Variants in PRLR observed in about 807,000 individuals in gnomAD.
The protein encoded by PRLR is prolactin receptor.
A neutral mutation model predicts 40.2 loss-of-function variants in PRLR; 13 were observed. The ratio of observed to expected loss-of-function variants is 0.32; its 90% CI spans 0.21 to 0.51. The LOEUF (loss-of-function observed/expected upper bound fraction) is 0.51, where lower values mean the gene tolerates loss of function less well. Ranked by LOEUF, PRLR falls within the 20% of genes least tolerant of loss-of-function variation. PRLR has a pLI of 0.97. For missense variants in PRLR, 656 were observed against 747.3 expected (o/e 0.88, Z 1.42); for synonymous variants, 269 against 278.7 (o/e 0.97, Z 0.35).
At chr5:35,048,840 C>A in exon 9 of PRLR, 1 of 265,812 alleles carries the variant, frequency 3.8e-6, no homozygotes, top group Non-Finnish European at 7.6e-6. Flanking sequence ...TGGGGGACCA[C>A]GTGCTTTACA....
At chr5:35,066,242 T>A in intron 9 of PRLR, 140 bp from the exon 10 acceptor site, 1 of 833,538 alleles carries the variant, frequency 1.2e-6, no homozygotes, top group Non-Finnish European at 1.8e-6. Flanking sequence ...CCAGGCCATC[T>A]AGAATCACCT....
chr5:35,068,535 T>G (rs544255560), intron 8 of PRLR, among the ~76,000 whole-genome samples: 6 of 152,326 alleles, frequency 3.9e-5, no homozygotes, highest in African/African-American at 1.4e-4. Context: ...TTAGCTACTC[T>G]TGCCAGATTT....
rs1023326809 is a variant in PRLR, at chr5:35,057,377, A to T, written c.*7712T>A. ...TGAATGTGTTATTTTGCTCATCTCC[A>T]TTTCAAATAAAAAAATAGAGCAAGA... On this transcript the variant is annotated 3_prime_UTR_variant, in exon 10 of 10. Coordinates refer to ENST00000618457, the MANE Select transcript of PRLR (RefSeq NM_000949.7). The T allele has an allele frequency of 6.6e-6, 1 of 152,166 alleles. No individual in the cohort carries two copies. The highest frequency in any genetic ancestry group is 1.9e-4 in the East Asian group (1 of 5,198). The allele number at this position is 152,166 out of a possible 1,614,324, so 9.4% of individuals were successfully genotyped here. A position where few individuals can be genotyped will look rare whatever the true frequency, so the allele number is the denominator to read the frequency against.
At chr5:35,131,912 A>T (rs1773695760) in intron 1 of PRLR, among the ~76,000 whole-genome samples, 1 of 152,188 alleles carries the variant, frequency 6.6e-6, no homozygotes, top group African/African-American at 2.4e-5. Flanking sequence ...CACTAGAAAG[A>T]GTTTTAAGAA....
In PRLR at chr5:35,163,566, TATTC is replaced by T. The variant is rs894063072; in HGVS notation, c.-105-45448_-105-45445del. 7.9e-4 allele frequency among the ~76,000 whole-genome samples: 121 copies of T among 152,232 alleles called. 1 individual carries two copies. The highest frequency in any genetic ancestry group is 2.8e-3 in the African/African-American group (117 of 41,464). On this transcript the variant is annotated intron_variant, in intron 1 of 9. Transcript: ENST00000618457. ...TGAGGACAGTGGCTTTTTAAATTTC[TATTC>T]ACTGCTGGTATTATCAGAGTGGAAT...
intron 3 of PRLR, among the ~76,000 whole-genome samples, chr5:35,088,857 G>A (rs963732389): frequency 1.3e-4 from 20 of 152,044 alleles, no homozygotes; most frequent in African/African-American, 4.8e-5. Context: ...GTGCACATAC[G>A]GATATACACA....
intron 1 of PRLR, among the ~76,000 whole-genome samples, chr5:35,126,150 T>C (rs1453549732): frequency 3.3e-5 from 5 of 152,224 alleles, no homozygotes; most frequent in Non-Finnish European, 5.9e-5. Flanking sequence ...GTGATGTTGA[T>C]AATGGGAACA....
chr5:35,084,202 G>T (rs554561264), intron 5 of PRLR, among the ~76,000 whole-genome samples: 2 of 152,300 alleles, frequency 1.3e-5, no homozygotes, highest in East Asian at 3.9e-4. Context: ...GTTGGCAAGG[G>T]AAACATACAT....
chr5:35,091,013 C>T (rs761752626), intron 2 of PRLR, among the ~76,000 whole-genome samples: 1 of 151,732 alleles, frequency 6.6e-6, no homozygotes, highest in Non-Finnish European at 1.5e-5. Context: ...GGGGTTTCAC[C>T]GTGTTAGCCA....
At chr5:35,189,600 T>C (rs1775545530) in intron 1 of PRLR, among the ~76,000 whole-genome samples, 1 of 149,002 alleles carries the variant, frequency 6.7e-6, no homozygotes, top group Admixed American at 6.7e-5. Context: ...AAAAGAAAGT[T>C]GTTATGGGGA....
chr5:35,190,218 A>G (rs1368680080), intron 1 of PRLR, among the ~76,000 whole-genome samples: 1 of 152,176 alleles, frequency 6.6e-6, no homozygotes, highest in Non-Finnish European at 1.5e-5. Context: ...TGTGGAAACC[A>G]AGGCACAAAG....
chr5:35,049,395 C>A (rs762652170), exon 9 of PRLR: 23 of 702,982 alleles, frequency 3.3e-5, no homozygotes, highest in South Asian at 3.0e-4. Context: ...AGGCACCCAA[C>A]ATCAAGGGGT....
chr5:35,108,467 A>G (rs1000623982), intron 2 of PRLR, among the ~76,000 whole-genome samples: 1 of 152,232 alleles, frequency 6.6e-6, no homozygotes, highest in African/African-American at 2.4e-5. Context: ...TTGCACCTTT[A>G]GAAAACCCCA....
chr5:35,187,362 C>T (rs1014265875), intron 1 of PRLR, among the ~76,000 whole-genome samples: 1 of 151,430 alleles, frequency 6.6e-6, no homozygotes, highest in Non-Finnish European at 1.5e-5. Flanking sequence ...GATCACGCCA[C>T]TGCACTCCAG....
intron 1 of PRLR, among the ~76,000 whole-genome samples, chr5:35,222,042 T>A (rs749444831): frequency 6.6e-6 from 1 of 152,210 alleles, no homozygotes; most frequent in Admixed American, 6.5e-5. Flanking sequence ...CAATGGCTCA[T>A]GCCTGTAATC....
intron 1 of PRLR, among the ~76,000 whole-genome samples, chr5:35,180,309 TG>T (rs1775259852): frequency 6.6e-6 from 1 of 152,160 alleles, no homozygotes; most frequent in Admixed American, 6.5e-5. Context: ...ATCCGTGGCC[TG>T]GGGGTTGGGG....
chr5:35,160,802 C>T (rs538087118), intron 1 of PRLR, among the ~76,000 whole-genome samples: 63 of 152,292 alleles, frequency 4.1e-4, no homozygotes, highest in African/African-American at 1.3e-3. Flanking sequence ...TGACCCCTTA[C>T]GATTTCTTCT....
chr5:35,208,625 T>A (rs1776084533), intron 1 of PRLR, among the ~76,000 whole-genome samples: 1 of 152,186 alleles, frequency 6.6e-6, no homozygotes, highest in Non-Finnish European at 1.5e-5. Flanking sequence ...AAAAACTTAT[T>A]TATTTGTCAA....
intron 1 of PRLR, among the ~76,000 whole-genome samples, chr5:35,185,946 C>T (rs190213896): frequency 1.0e-3 from 159 of 152,208 alleles, no homozygotes; most frequent in Middle Eastern, 0.01. Context: ...CGGGGTGGAA[C>T]GGGACCTGAG....
Sources: allele counts gnomAD v4.1 joint callset (sites outside exome capture counted in the v4.1 genomes callset), GRCh38; gene constraint gnomAD v4.1.1; transcripts MANE v1.5; gene names NCBI Gene and HGNC (gene_info 2026-07-23, HGNC 2026-07-21).